MCF2L: variants seen among roughly 807,000 people sequenced by gnomAD.
MCF2L encodes the protein MCF.2 cell line derived transforming sequence like.
In MCF2L, 97 loss-of-function variants were observed where a neutral mutation model predicts 153.4. That is an observed-to-expected ratio of 0.63 (90% CI 0.54 to 0.75). The LOEUF (loss-of-function observed/expected upper bound fraction) is 0.75. Among genes scored for constraint, MCF2L ranks in the 30% least tolerant of loss-of-function variants. The probability of loss-of-function intolerance (pLI) is 0.00; values close to 1 mark genes in which losing one functional copy is unlikely to be tolerated. For synonymous variants in MCF2L, 659 were observed against 632.2 expected, an observed-to-expected ratio of 1.04 and a Z score of -0.64; for missense variants, 1,347 against 1,495.2, an observed-to-expected ratio of 0.90 and a Z score of 1.64.
intron 2 of MCF2L, chr13:112,917,590 G>GC (rs376189482): frequency 1.7e-5 from 3 of 180,172 alleles, no homozygotes; most frequent in African/African-American, 4.7e-5. Context: ...CCCTCCGGTG[G>GC]CCCACCTGGC....
intron 3 of MCF2L, among the ~76,000 whole-genome samples, chr13:113,032,946 C>T (rs548985281): frequency 5.9e-5 from 9 of 151,822 alleles, no homozygotes; most frequent in African/African-American, 9.7e-5. Context: ...GCCCCCGTGA[C>T]GTGAGTGGAC....
rs981815946 is a variant in MCF2L, at chr13:113,045,087, C to G, written c.279-184C>G. 3 of 943,910 alleles carry G rather than the reference C, an allele frequency of 3.2e-6. No individual in the cohort carries two copies. In the African/African-American group the frequency reaches 4.9e-5, roughly 15 times the overall value. 58.5% of individuals were successfully genotyped at this position (943,910 alleles called of 1,614,324 possible). On this transcript the variant is annotated intron_variant, in intron 3 of 29. Transcript: ENST00000535094. This position sits in a 1 kb window ranked among gnomAD's most constrained non-coding sequence, Gnocchi z 4.2. ...GTGCCTGCCCTTCCGTAGATGAGAGCAGGTTCTGGGACTGCGGGGATGGGG... is the reference window on the plus strand; with the variant it reads ...GTGCCTGCCCTTCCGTAGATGAGAGGAGGTTCTGGGACTGCGGGGATGGGG...
intron 5 of MCF2L, chr13:113,063,774 T>C (rs1055759404): frequency 5.4e-5 from 24 of 447,232 alleles, no homozygotes; most frequent in East Asian, 2.8e-4. Context: ...ACGGCTGAGT[T>C]CAGCACACGG....
intron 2 of MCF2L, among the ~76,000 whole-genome samples, chr13:113,016,131 C>G (rs982001234): frequency 6.6e-6 from 1 of 152,188 alleles, no homozygotes; most frequent in African/African-American, 2.4e-5. Context: ...TCCTCAGACG[C>G]CAGCCCAGGA....
chr13:113,014,882 G>A (rs754644225), intron 2 of MCF2L, 36 bp downstream of exon 2: 2 of 1,598,934 alleles, frequency 1.3e-6, no homozygotes, highest in Non-Finnish European at 1.7e-6. Context: ...TGGAGAGGGA[G>A]GGGTCTGGGG....
At position 112,979,690 on chromosome 13, in the gene MCF2L, G is replaced by A. The variant is rs745858895; in HGVS notation, c.79+10232G>A. The stretch of plus-strand genomic sequence containing the variant: ...TCGATGGCCGAGAAGGGAGCATCCC[G>A]GGGAACCCTGCGGCGGCTGTGGTCA... On this transcript the variant is annotated intron_variant, in intron 1 of 29. Coordinates refer to ENST00000535094, the MANE Select transcript of MCF2L (RefSeq NM_001112732.3). The A allele has an allele frequency of 3.0e-5, 49 of 1,612,826 alleles. No individual in the cohort carries two copies. In the East Asian group the frequency reaches 7.1e-4, roughly 23 times the overall value.
At chr13:112,923,710 CTT>C (rs955973917) in intron 2 of MCF2L, among the ~76,000 whole-genome samples, 5 of 152,228 alleles carry the variant, frequency 3.3e-5, no homozygotes, top group African/African-American at 1.2e-4. Flanking sequence ...TCAACACACT[CTT>C]CTCTAATCAC....
chr13:113,055,456 C>T, intron 4 of MCF2L, among the ~76,000 whole-genome samples: 1 of 136,264 alleles, frequency 7.3e-6, no homozygotes, highest in East Asian at 2.4e-4. Flanking sequence ...CTGGCTTCAT[C>T]TCTGAGCTTC....
chr13:112,980,243 T>G lies in MCF2L; in HGVS notation c.79+10785T>G, dbSNP rs186063328. Among the ~76,000 whole-genome samples, 507 of 152,358 alleles carry G rather than the reference T, an allele frequency of 3.3e-3. 4 individuals carry two copies. The highest frequency in any genetic ancestry group is 0.012 in the African/African-American group (479 of 41,584). ...GTTTGCTCGGCCTGATGGAACAGCC[T>G]AAACTCTCACAAGTCACAGCCAGTG... On this transcript the variant is annotated intron_variant, in intron 1 of 29. Coordinates refer to ENST00000535094, the MANE Select transcript of MCF2L (RefSeq NM_001112732.3).
chr13:113,066,157 GCC>G lies in MCF2L; in HGVS notation c.869_870del (p.Ala290AspfsTer18). 1 of 1,612,204 alleles carries G rather than the reference GCC, an allele frequency of 6.2e-7. No homozygotes were observed. The highest frequency in any genetic ancestry group is 1.1e-5 in the South Asian group (1 of 90,982). On this transcript the variant is annotated frameshift_variant, in exon 8 of 30. Transcript: ENST00000535094. LOFTEE classifies it high-confidence loss of function. ...SVNQDQLDNQATVQRLLAQLN... is the reference protein window; with the variant it reads ...SVNQDQLDNQXTVQRLLAQLN... ...GAACCAGGACCAGCTTGACAACCAG[GCC>G]ACCGTGCAGAGGTGAGGCCCGGCTG... is the stretch of plus-strand genomic sequence containing the variant.
intron 2 of MCF2L, among the ~76,000 whole-genome samples, chr13:112,949,694 A>C (rs1223505733): frequency 6.6e-6 from 1 of 152,110 alleles, no homozygotes; most frequent in Non-Finnish European, 1.5e-5. Flanking sequence ...CATGATTAAA[A>C]AAAAAAACAA....
intron 1 of MCF2L, among the ~76,000 whole-genome samples, chr13:112,981,676 C>T (rs1026572683): frequency 1.1e-4 from 16 of 152,246 alleles, no homozygotes; most frequent in African/African-American, 3.9e-4. Context: ...CTGGCAGGGT[C>T]CACACCCCGA....
At chr13:112,974,435 T>C (rs1044557279) in intron 1 of MCF2L, among the ~76,000 whole-genome samples, 1 of 152,162 alleles carries the variant, frequency 6.6e-6, no homozygotes, top group Non-Finnish European at 1.5e-5. Flanking sequence ...GCTTGGACTT[T>C]TGCACCCCTG....
At chr13:113,001,183 G>C (rs922702651) in intron 1 of MCF2L, 2 of 152,100 alleles carry the variant, frequency 1.3e-5, no homozygotes, top group Admixed American at 1.3e-4. Flanking sequence ...CCCGGTCCTG[G>C]AAAAGTAGAG....
chr13:113,026,436 T>C (rs1175101301), intron 3 of MCF2L, among the ~76,000 whole-genome samples: 1 of 152,220 alleles, frequency 6.6e-6, no homozygotes, highest in Non-Finnish European at 1.5e-5. Flanking sequence ...CGAATCCAGC[T>C]TTTTCGCTCC....
At chr13:113,052,047 A>C (rs950882386) in intron 4 of MCF2L, among the ~76,000 whole-genome samples, 2 of 152,214 alleles carry the variant, frequency 1.3e-5, no homozygotes, top group Admixed American at 1.3e-4. Context: ...AATTGCTAAA[A>C]GAATCCATTT....
chr13:112,913,529 C>G (rs2081258028), intron 2 of MCF2L, among the ~76,000 whole-genome samples: 2 of 152,162 alleles, frequency 1.3e-5, no homozygotes, highest in African/African-American at 4.8e-5. Flanking sequence ...AATGAGTTTA[C>G]TCAATAATTT....
At chr13:112,997,205 A>T (rs1397251228) in intron 1 of MCF2L, among the ~76,000 whole-genome samples, 1 of 152,174 alleles carries the variant, frequency 6.6e-6, no homozygotes, top group Admixed American at 6.5e-5. Flanking sequence ...CTTGAGACCA[A>T]GACCACTGTG....
chr13:113,004,446 C>G (rs1035050234), intron 1 of MCF2L, among the ~76,000 whole-genome samples: 1 of 152,250 alleles, frequency 6.6e-6, no homozygotes, highest in Non-Finnish European at 1.5e-5. Context: ...TGGCCAGCCC[C>G]CATGGCGCAG....
Sources: allele counts gnomAD v4.1 joint callset (sites outside exome capture counted in the v4.1 genomes callset), GRCh38; gene constraint gnomAD v4.1.1; non-coding constraint Gnocchi (gnomAD v3.1); transcripts MANE v1.5; gene names NCBI Gene and HGNC (gene_info 2026-07-23, HGNC 2026-07-21).